The following HGFAC variants were observed in gnomAD, a reference collection of about 807,000 sequenced individuals.
HGFAC encodes HGF activator.
A neutral mutation model predicts 70.6 loss-of-function variants in HGFAC; 76 were observed. The observed-to-expected ratio is 1.08, with a 90% confidence interval of 0.89 to 1.30. The LOEUF (loss-of-function observed/expected upper bound fraction) is 1.30, where lower values mean the gene tolerates loss of function less well. HGFAC is among the 50% of genes most tolerant of loss of function. The pLI, the probability that HGFAC is intolerant of heterozygous loss-of-function variation, is 0.00. For missense variants in HGFAC, 1,044 were observed against 933.7 expected (o/e 1.12, Z -1.54); for synonymous variants, 464 against 405.3 (o/e 1.14, Z -1.74).
In HGFAC at chr4:3,447,481, C is replaced by G. The variant is rs375906906; in HGVS notation, c.1356-11C>G. The G allele has an allele frequency of 2.5e-6, 4 of 1,612,206 alleles. No homozygotes were observed. Among genetic ancestry groups the G allele is most frequent in the East Asian group, 4.5e-5 (2 of 44,866 alleles). On this transcript the variant is annotated splice_polypyrimidine_tract_variant and intron_variant, in intron 10 of 13. Coordinates refer to ENST00000382774, the MANE Select transcript of HGFAC (RefSeq NM_001528.4). ...GGCTGGTCCATGCAGCCTCCAGCCC[C>G]CCTTGCACAGCCCCCCCAGGGACAG...
intron 2 of HGFAC, 44 bp downstream of exon 2, chr4:3,442,956 G>T (rs3108673): frequency 6.4e-7 from 1 of 1,557,716 alleles, no homozygotes; most frequent in Non-Finnish European, 8.7e-7. Context: ...CTTCACCTTA[G>T]GGCTGGGTGG....
In HGFAC at chr4:3,444,291, G is replaced by A. The variant is rs1228914223; in HGVS notation, c.599-20G>A. ...GGACAGCAGGTGGCAGGGTGTGAGG[G>A]CTTACTGTGCACCCCTCAGAGAAAT... On this transcript the variant is annotated intron_variant, in intron 5 of 13. Coordinates refer to ENST00000382774, the MANE Select transcript of HGFAC (RefSeq NM_001528.4). 6.3e-7 allele frequency: 1 copy of A among 1,576,958 alleles called. No individual in the cohort carries two copies.
chr4:3,441,188 C>A (rs1725297871), upstream of HGFAC, among the ~76,000 whole-genome samples: 1 of 152,234 alleles, frequency 6.6e-6, no homozygotes, highest in East Asian at 1.9e-4. This position sits in a 1 kb window ranked among gnomAD's most constrained non-coding sequence, Gnocchi z 6.0. Context: ...CCCCAGGGTA[C>A]CTGGCCCAGG....
rs748556802 is a variant in HGFAC, at chr4:3,447,595, C to G, written c.1459C>G (p.Leu487Val). The G allele has an allele frequency of 2.9e-5, 47 of 1,612,578 alleles. No homozygotes were observed. The highest frequency in any genetic ancestry group is 3.7e-5 in the Non-Finnish European group (44 of 1,179,904). ...FGIEKYIPYTLYSVFNPSDHD... is the reference protein window; with the variant it reads ...FGIEKYIPYTVYSVFNPSDHD... ...CATCGAGAAGTACATCCCGTACACC[C>G]TGTACTCGGTGTTCAACCCCAGCGA... The change falls in exon 11 of 14, where the codon CTG (leucine) becomes GTG (valine). Residue 487 changes from leucine to valine, a missense_variant. Physicochemically the swap from Leu to Val is conservative, Grantham distance 32 (BLOSUM62 1). Coordinates refer to ENST00000382774, the MANE Select transcript of HGFAC (RefSeq NM_001528.4).
intron 10 of HGFAC, 80 bp downstream of exon 10, chr4:3,446,374 G>A (rs1725516574): frequency 4.0e-6 from 6 of 1,497,660 alleles, no homozygotes; most frequent in Non-Finnish European, 3.6e-6. Context: ...GTCCCCACCC[G>A]CTTGCGGACC....
intron 9 of HGFAC, 51 bp from the exon 10 acceptor site, chr4:3,445,991 G>A (rs901369558): frequency 1.7e-5 from 27 of 1,599,630 alleles, no homozygotes; most frequent in Non-Finnish European, 2.0e-5. Context: ...GTGTGGAAGG[G>A]GGCTGGCCCT....
intron 1 of HGFAC, 57 bp from the exon 2 acceptor site, chr4:3,442,675 G>T: frequency 7.8e-7 from 1 of 1,281,548 alleles, no homozygotes; most frequent in South Asian, 2.2e-5. Context: ...CCTCCTGCCC[G>T]GCAGGACCTG....
chr4:3,441,599 G>A (rs1370372765), upstream of HGFAC, among the ~76,000 whole-genome samples: 3 of 152,222 alleles, frequency 2.0e-5, no homozygotes, highest in South Asian at 6.2e-4. This position sits in a 1 kb window ranked among gnomAD's most constrained non-coding sequence, Gnocchi z 6.0. Flanking sequence ...AAGGCCCAGC[G>A]CCCGTAGTGG....
rs767478880 is a variant in HGFAC at position 3,441,977 on chromosome 4, T to A, written c.-25T>A. 71 of 1,346,802 alleles carry A rather than the reference T, an allele frequency of 5.3e-5. No homozygotes were observed. Among genetic ancestry groups the A allele is most frequent in the Non-Finnish European group, 6.5e-5 (66 of 1,017,922 alleles). The allele number at this position is 1,346,802 out of a possible 1,614,324, so 83.4% of individuals were successfully genotyped here. A position where few individuals can be genotyped will look rare whatever the true frequency, so the allele number is the denominator to read the frequency against. On this transcript the variant is annotated 5_prime_UTR_variant, in exon 1 of 14. Coordinates refer to ENST00000382774, the MANE Select transcript of HGFAC (RefSeq NM_001528.4). This position sits in a 1 kb window ranked among gnomAD's most constrained non-coding sequence, Gnocchi z 6.0. ...TGGCCGCTCTGCTCCCGCCTCCCAC[T>A]GCCCCTCAGGCCAGCTCAGGAGCCA...
In HGFAC at chr4:3,444,004, G is replaced by A. The variant is rs763831361; in HGVS notation, c.476-35G>A. ...TCACAGAGGGACCCTGAGCCTCCCA[G>A]TCCGCCCCTCACACCCCCTCCCGCA... On this transcript the variant is annotated intron_variant, in intron 4 of 13. Transcript: ENST00000382774. 3.2e-6 allele frequency: 5 copies of A among 1,543,516 alleles called. No individual in the cohort carries two copies. In the South Asian group the frequency reaches 5.1e-5, roughly 16 times the overall value.
intron 9 of HGFAC, 166 bp downstream of exon 9, chr4:3,445,516 C>T (rs16844383): frequency 0.18 from 118,055 of 642,146 alleles, 12,364 homozygotes; most frequent in East Asian, 0.38. Context: ...TGGGTCGGTA[C>T]TGGGGTCACA....
At position 3,447,877 on chromosome 4, in the gene HGFAC, G is replaced by A; in HGVS notation, c.1496-18G>A. 2 of 1,606,438 alleles carry A rather than the reference G, an allele frequency of 1.2e-6. No homozygotes were observed. The highest frequency in any genetic ancestry group is 2.2e-5 in the South Asian group (2 of 90,582). On this transcript the variant is annotated intron_variant, in intron 11 of 13. Coordinates refer to ENST00000382774, the MANE Select transcript of HGFAC (RefSeq NM_001528.4). ...AGCCCGCACACCACAGGCTGACCCT[G>A]GCCACTCTTCTGATCAGTCCTGATC...
In HGFAC at chr4:3,442,074, CTG is replaced by C; in HGVS notation, c.74_75del (p.Leu25ProfsTer23). 3 of 1,554,632 alleles carry C rather than the reference CTG, an allele frequency of 1.9e-6. No individual in the cohort carries two copies. Among genetic ancestry groups the C allele is most frequent in the East Asian group, 2.4e-5 (1 of 40,956 alleles). ...GLGPFLLLLL[L>X]LLLLPRGFQP... The stretch of plus-strand genomic sequence containing the variant: ...GGGCCCCTTCCTCCTCCTCCTCCTG[CTG>C]CTGCTGCTGCTGCCACGGGGGTTCC... On this transcript the variant is annotated frameshift_variant, in exon 1 of 14. Transcript: ENST00000382774. LOFTEE classifies it high-confidence loss of function.
intron 4 of HGFAC, 41 bp from the exon 5 acceptor site, chr4:3,443,998 C>T (rs1355735506): frequency 5.2e-6 from 8 of 1,534,044 alleles, no homozygotes; most frequent in Non-Finnish European, 7.0e-6. Flanking sequence ...GACCCTGAGC[C>T]TCCCAGTCCG....
At chr4:3,441,288 G>A (rs1214703109), upstream of HGFAC, among the ~76,000 whole-genome samples, 6 of 152,286 alleles carry the variant, frequency 3.9e-5, no homozygotes, top group East Asian at 1.2e-3. The surrounding 1 kb of genome is among the most constrained non-coding windows in gnomAD (Gnocchi z 6.0). Flanking sequence ...TCCTGGGTCT[G>A]TCTGGGAGAC....
chr4:3,443,942 A>C, intron 4 of HGFAC, 97 bp from the exon 5 acceptor site: 1 of 1,359,556 alleles, frequency 7.4e-7, no homozygotes, highest in Non-Finnish European at 1.0e-6. Flanking sequence ...AGAGCCCCTC[A>C]CTGGGGCCTG....
intron 7 of HGFAC, 40 bp downstream of exon 7, chr4:3,444,773 C>T (rs372328673): frequency 1.8e-5 from 29 of 1,576,648 alleles, no homozygotes; most frequent in South Asian, 4.6e-5. Context: ...GGGGCAGTGC[C>T]GGGTGGACCC....
Position 3,444,417 on chromosome 4 carries a change from C to G in HGFAC, c.705C>G (p.Thr235=). Residue 235 remains threonine, a synonymous_variant, in exon 6 of 14, where the codon ACC becomes ACG. Coordinates refer to ENST00000382774, the MANE Select transcript of HGFAC (RefSeq NM_001528.4). The part of the protein sequence containing the change: ...VEQCECFGGR[T]WCEGTRHTAC... ...AGTGCGAGTGCTTCGGGGGCCGGAC[C>G]TGGTGCGAAGGCACCCGACATACAG... 1 of 1,602,458 alleles carries G rather than the reference C, an allele frequency of 6.2e-7. No individual in the cohort carries two copies. The highest frequency in any genetic ancestry group is 8.5e-7 in the Non-Finnish European group (1 of 1,175,816).
Position 3,443,388 on chromosome 4 carries a change from G to T in HGFAC, c.443G>T (p.Cys148Phe). The T allele has an allele frequency of 2.0e-6, 3 of 1,506,876 alleles. No homozygotes were observed. Among genetic ancestry groups the T allele is most frequent in the Non-Finnish European group, 2.7e-6 (3 of 1,126,984 alleles). The allele number at this position is 1,506,876 out of a possible 1,614,324, so 93.3% of individuals were successfully genotyped here. Residue 148 changes from cysteine (C) to phenylalanine (F), a missense_variant, in exon 4 of 14, where the codon TGT becomes TTT. By Grantham distance (205) the Cys-to-Phe change is radical. Transcript: ENST00000382774. The stretch of plus-strand genomic sequence containing the variant: ...GACCGGGACAGGGCCTGGGGCTACT[G>T]TGTGGAGGCCACCCCGCCTCCAGGG... ...NYDRDRAWGY[C>F]VEATPPPGGP...
Sources: allele counts gnomAD v4.1 joint callset (sites outside exome capture counted in the v4.1 genomes callset), GRCh38; gene constraint gnomAD v4.1.1; non-coding constraint Gnocchi (gnomAD v3.1); transcripts MANE v1.5; gene names NCBI Gene and HGNC (gene_info 2026-07-23, HGNC 2026-07-21).